Variants in SNX4 observed in about 807,000 individuals in gnomAD.
The protein encoded by SNX4 is sorting nexin 4, also known as sorting nexin-4.
SNX4 carries 49 observed loss-of-function variants against 70.8 expected under a neutral mutation model. That is an observed-to-expected ratio of 0.69 (90% CI 0.55 to 0.88). The LOEUF (loss-of-function observed/expected upper bound fraction) is 0.88, where lower values mean the gene tolerates loss of function less well. SNX4 is among the 40% of genes least tolerant of loss of function. SNX4 has a pLI of 0.00. For synonymous variants in SNX4, 206 were observed against 183.8 expected, an observed-to-expected ratio of 1.12 and a Z score of -0.98; for missense variants, 528 against 544.8, an observed-to-expected ratio of 0.97 and a Z score of 0.31.
At chr3:125,478,073 C>CTATTATTAT (rs753250044) in intron 7 of SNX4, among the ~76,000 whole-genome samples, 5 of 136,230 alleles carry the variant, frequency 3.7e-5, no homozygotes, top group East Asian at 2.1e-4. Flanking sequence ...ATTATTATTA[C>CTATTATTAT]TATTATTATT....
At chr3:125,510,716 G>A (rs973747851) in intron 1 of SNX4, among the ~76,000 whole-genome samples, 2 of 152,180 alleles carry the variant, frequency 1.3e-5, no homozygotes, top group African/African-American at 2.4e-5. Context: ...ACTCGGAATA[G>A]TCAAAATCAT....
intron 8 of SNX4, among the ~76,000 whole-genome samples, chr3:125,471,755 C>A (rs1934179338): frequency 6.6e-6 from 1 of 152,152 alleles, no homozygotes; most frequent in African/African-American, 2.4e-5. Context: ...GCAGAGTGAA[C>A]CCCACCTATG....
chr3:125,508,731 T>C (rs999209216), intron 1 of SNX4, among the ~76,000 whole-genome samples: 2 of 152,118 alleles, frequency 1.3e-5, no homozygotes, highest in African/African-American at 4.8e-5. Context: ...CTCGAATATA[T>C]GGTCAAACAA....
chr3:125,465,465 T>C (rs951464652), intron 9 of SNX4, among the ~76,000 whole-genome samples: 1 of 151,902 alleles, frequency 6.6e-6, no homozygotes, highest in Non-Finnish European at 1.5e-5. Flanking sequence ...GCCAGGCTGG[T>C]CTTGAGCTCC....
At chr3:125,448,821 G>A (rs12487890) in intron 13 of SNX4, among the ~76,000 whole-genome samples, 4 of 151,504 alleles carry the variant, frequency 2.6e-5, no homozygotes, top group Admixed American at 6.6e-5. Flanking sequence ...GACTACAGGC[G>A]CCTGCCACCA....
chr3:125,448,669 C>CTTTTTTTTT (rs921502028), intron 13 of SNX4, among the ~76,000 whole-genome samples: 7 of 95,368 alleles, frequency 7.3e-5, no homozygotes, highest in East Asian at 3.0e-4. Context: ...GGGTTTTTTC[C>CTTTTTTTTT]TTTTTTTTTT....
intron 11 of SNX4, among the ~76,000 whole-genome samples, chr3:125,455,732 G>C (rs897232356): frequency 6.6e-6 from 1 of 152,154 alleles, no homozygotes; most frequent in Non-Finnish European, 1.5e-5. Flanking sequence ...TATAGTGCTT[G>C]GCCAGGCGCG....
intron 7 of SNX4, among the ~76,000 whole-genome samples, chr3:125,478,076 T>C (rs200342539): frequency 2.1e-5 from 3 of 141,678 alleles, no homozygotes; most frequent in African/African-American, 5.0e-5. Context: ...ATTATTACTA[T>C]TATTATTATT....
chr3:125,509,702 A>G (rs7634581), intron 1 of SNX4, among the ~76,000 whole-genome samples: 74,004 of 146,998 alleles, frequency 0.5, 19,178 homozygotes, highest in African/African-American at 0.63. Flanking sequence ...GCAGTGAGCT[A>G]AGATCATGCC....
At chr3:125,518,961 C>T (rs994072547) in intron 1 of SNX4, among the ~76,000 whole-genome samples, 1 of 151,646 alleles carries the variant, frequency 6.6e-6, no homozygotes, top group Non-Finnish European at 1.5e-5. Context: ...TGCAGTGAGC[C>T]GAGATCGTGC....
intron 1 of SNX4, among the ~76,000 whole-genome samples, chr3:125,513,293 TG>T (rs1368178582): frequency 6.6e-6 from 1 of 152,188 alleles, no homozygotes; most frequent in East Asian, 1.9e-4. Context: ...TCACTGAATC[TG>T]CCAGTTCCTT....
chr3:125,458,831 AAAAAAAAAAAAAAAGAAAAGAAAAGATT>A (rs1933800086), intron 10 of SNX4, among the ~76,000 whole-genome samples: 1 of 133,056 alleles, frequency 7.5e-6, no homozygotes, highest in African/African-American at 3.3e-5. Flanking sequence ...AAAAAAAAAA[AAAAAAAAAAAAAAAGAAAAGAAAAGATT>A]CTAATACAGC....
intron 6 of SNX4, among the ~76,000 whole-genome samples, chr3:125,487,256 A>G (rs967763871): frequency 1.3e-5 from 2 of 152,224 alleles, no homozygotes; most frequent in Non-Finnish European, 2.9e-5. Flanking sequence ...ATTTAAGACA[A>G]ACAAATCCTG....
At chr3:125,517,662 T>C (rs72977792) in intron 1 of SNX4, among the ~76,000 whole-genome samples, 5,708 of 152,306 alleles carry the variant, frequency 0.037, 299 homozygotes, top group African/African-American at 0.12. Flanking sequence ...TATGAATTAC[T>C]AAATTAGGGA....
At position 125,447,310 on chromosome 3, in the gene SNX4, C is replaced by T. The variant is rs1427113360; in HGVS notation, c.*469G>A. On this transcript the variant is annotated 3_prime_UTR_variant, in exon 14 of 14. Transcript: ENST00000251775. ...GTAGATTTTTCACATCAAGTTTCTGCTGAGCTTTGTCAAACCAAATAGCTC... is the reference window on the plus strand; with the variant it reads ...GTAGATTTTTCACATCAAGTTTCTGTTGAGCTTTGTCAAACCAAATAGCTC... 6.5e-6 allele frequency: 1 copy of T among 152,800 alleles called. No individual in the cohort carries two copies. The highest frequency in any genetic ancestry group is 1.9e-4 in the East Asian group (1 of 5,216). The allele number at this position is 152,800 out of a possible 1,614,324, so 9.5% of individuals were successfully genotyped here.
intron 8 of SNX4, among the ~76,000 whole-genome samples, chr3:125,471,419 GAAT>G (rs1934172317): frequency 7.8e-6 from 1 of 128,894 alleles, no homozygotes; most frequent in African/African-American, 3.0e-5. Flanking sequence ...AAAAATTATA[GAAT>G]TATTAAACAC....
chr3:125,453,721 A>G, intron 12 of SNX4, 89 bp downstream of exon 12: 1 of 1,262,394 alleles, frequency 7.9e-7, no homozygotes, highest in Non-Finnish European at 1.1e-6. Flanking sequence ...GAAGCTGGGA[A>G]TTGTTACCAA....
chr3:125,500,481 C>T lies in SNX4; in HGVS notation c.264-2287G>A, dbSNP rs549254128. Among the ~76,000 whole-genome samples the T allele has an allele frequency of 3.3e-5, 5 of 152,104 alleles. No individual in the cohort carries two copies. In the South Asian group the frequency reaches 6.2e-4, roughly 19 times the overall value. On this transcript the variant is annotated intron_variant, in intron 2 of 13. Coordinates refer to ENST00000251775, the MANE Select transcript of SNX4 (RefSeq NM_003794.4). ...ATAACACTATAGAATAGGCACATAT[C>T]AAAAATATCCTGTTTAACTTTAAAC... is the stretch of plus-strand genomic sequence containing the variant.
At chr3:125,464,356 G>A (rs984546306) in intron 9 of SNX4, among the ~76,000 whole-genome samples, 1 of 151,168 alleles carries the variant, frequency 6.6e-6, no homozygotes, top group Non-Finnish European at 1.5e-5. Context: ...TCTTAACAAT[G>A]TTTTCCACTA....
Sources: allele counts gnomAD v4.1 joint callset (sites outside exome capture counted in the v4.1 genomes callset), GRCh38; gene constraint gnomAD v4.1.1; transcripts MANE v1.5; gene names NCBI Gene and HGNC (gene_info 2026-07-23, HGNC 2026-07-21).